The following MYLK variants were observed in gnomAD, a reference collection of about 807,000 sequenced individuals.
MYLK encodes myosin light chain kinase.
MYLK carries 106 observed loss-of-function variants against 203.4 expected under a neutral mutation model. The ratio of observed to expected loss-of-function variants is 0.52; its 90% confidence interval spans 0.45 to 0.61. The LOEUF (loss-of-function observed/expected upper bound fraction) is 0.61. Ranked by LOEUF, MYLK falls within the 20% of genes least tolerant of loss-of-function variation. MYLK has a pLI of 0.00. For synonymous variants in MYLK, 867 were observed against 959.5 expected, an observed-to-expected ratio of 0.90 and a Z score of 1.78; for missense variants, 2,072 against 2,442.3, an observed-to-expected ratio of 0.85 and a Z score of 3.20.
chr3:123,731,638 C>G (rs1386391699), intron 11 of MYLK, among the ~76,000 whole-genome samples: 1 of 152,148 alleles, frequency 6.6e-6, no homozygotes, highest in African/African-American at 2.4e-5. Flanking sequence ...GTACCCATCT[C>G]TCAACTTTCA....
rs1218239259 is a variant in MYLK, at chr3:123,861,140, C to A, written c.-127+15419G>T. Among the ~76,000 whole-genome samples, 749 of 134,148 alleles carry A rather than the reference C, an allele frequency of 5.6e-3. 8 individuals carry two copies. The highest frequency in any genetic ancestry group is 0.016 in the African/African-American group (622 of 38,292). The allele number at this position is 134,148 out of a possible 152,430, so 88.0% of individuals were successfully genotyped here. On this transcript the variant is annotated intron_variant, in intron 2 of 33. Transcript: ENST00000360304. ...GCGAGACCCTGTCTCAAAAAAAAAA[C>A]AAAAAACAAAAAAAAAAAACTGATT... is the stretch of plus-strand genomic sequence containing the variant.
chr3:123,733,885 T>C lies in MYLK; in HGVS notation c.1111A>G (p.Arg371Gly). The C allele has an allele frequency of 6.2e-7, 1 of 1,614,080 alleles. No homozygotes were observed. Among genetic ancestry groups the C allele is most frequent in the African/African-American group, 1.3e-5 (1 of 75,044 alleles). The change falls in exon 10 of 34, where the codon AGG becomes GGG. Residue 371 changes from arginine to glycine, a missense_variant. Physicochemically the swap from Arg to Gly is moderately radical, Grantham distance 125. Transcript: ENST00000360304. ...LGVLSPSGEE[R>G]KRPAPPRPAT... ...GGACGGGGAGGAGCTGGCCTCTTCCTCTCTTCTCCAGAAGGTGATAGGACC... is the reference window on the plus strand; with the variant it reads ...GGACGGGGAGGAGCTGGCCTCTTCCCCTCTTCTCCAGAAGGTGATAGGACC...
chr3:123,708,961 C>T lies in MYLK; in HGVS notation c.1943-66G>A, dbSNP rs186358216. ...CCTCCCCGGCCATGCAGCAACTCTG[C>T]GCTGAATGCAGTGATATTGGATGAA... On this transcript the variant is annotated intron_variant, in intron 14 of 33. Transcript: ENST00000360304. 4.9e-4 allele frequency: 673 copies of T among 1,383,278 alleles called. 2 individuals are homozygous for T. In the African/African-American group the frequency reaches 6.6e-3, roughly 13 times the overall value. 85.7% of individuals were successfully genotyped at this position (1,383,278 alleles called of 1,614,324 possible). A position where few individuals can be genotyped will look rare whatever the true frequency, so the allele number is the denominator to read the frequency against.
chr3:123,807,121 G>T (rs2065395870), intron 3 of MYLK, among the ~76,000 whole-genome samples: 1 of 151,960 alleles, frequency 6.6e-6, no homozygotes, highest in South Asian at 2.1e-4. Context: ...CTTAGAAAGG[G>T]TTTATCAAGA....
In MYLK at chr3:123,734,148, G is replaced by A. The variant is rs150096018; in HGVS notation, c.848C>T (p.Ser283Leu). ...TGCAGCCTCCAGACTGTCCAGCTTC[G>A]ACTCCTTTGAGATTACATTGGTCAC... The part of the protein sequence containing the change: ...KEVTNVISKE[S>L]KLDSLEAAAK... The change falls in exon 10 of 34, where the codon TCG (serine) becomes TTG (leucine). Residue 283 changes from serine (S) to leucine (L), a missense_variant. Ser to Leu is a moderately radical substitution (Grantham distance 145). Transcript: ENST00000360304. 43 of 1,567,670 alleles carry A rather than the reference G, an allele frequency of 2.7e-5. No homozygotes were observed. The highest frequency in any genetic ancestry group is 3.4e-4 in the Middle Eastern group (2 of 5,872).
chr3:123,689,130 CTGTGGTCACAA>C (rs2060568872), intron 19 of MYLK, among the ~76,000 whole-genome samples: 1 of 152,208 alleles, frequency 6.6e-6, no homozygotes, highest in Non-Finnish European at 1.5e-5. Flanking sequence ...GCATGACCCT[CTGTGGTCACAA>C]AGCCCTGGTC....
At chr3:123,812,122 C>T (rs548330686) in intron 3 of MYLK, among the ~76,000 whole-genome samples, 69 of 152,234 alleles carry the variant, frequency 4.5e-4, no homozygotes, top group Non-Finnish European at 3.7e-4. Flanking sequence ...AGATTCAGGA[C>T]GCCTACACTG....
At chr3:123,802,942 C>G (rs1008221052) in intron 3 of MYLK, among the ~76,000 whole-genome samples, 3 of 152,138 alleles carry the variant, frequency 2.0e-5, no homozygotes, top group Admixed American at 6.5e-5. Flanking sequence ...GTCTCCTTCT[C>G]AAATACCATG....
At chr3:123,849,296 A>G (rs535275359) in intron 2 of MYLK, among the ~76,000 whole-genome samples, 7 of 152,274 alleles carry the variant, frequency 4.6e-5, no homozygotes, top group Admixed American at 4.6e-4. Flanking sequence ...TCATATGTTA[A>G]ATGTTTCATA....
At chr3:123,662,927 A>C (rs114441229) in intron 23 of MYLK, among the ~76,000 whole-genome samples, 1 of 152,122 alleles carries the variant, frequency 6.6e-6, no homozygotes, top group East Asian at 1.9e-4. Flanking sequence ...CCCTTTTTCT[A>C]ATTTTCACAA....
In MYLK at chr3:123,800,907, T is replaced by C. The variant is rs528615826; in HGVS notation, c.-3-7063A>G. Among the ~76,000 whole-genome samples the C allele has an allele frequency of 3.9e-5, 6 of 152,352 alleles. No homozygotes were observed. In the East Asian group the frequency reaches 7.7e-4, roughly 20 times the overall value. On this transcript the variant is annotated intron_variant, in intron 3 of 33. Transcript: ENST00000360304. ...ATTATTGAGGGCCCCCAGAGAGCTT[T>C]TGTTTGTGAGTTACTGCTGTCAATA...
chr3:123,651,692 C>T (rs377430109), intron 24 of MYLK, among the ~76,000 whole-genome samples: 12 of 152,312 alleles, frequency 7.9e-5, no homozygotes, highest in Middle Eastern at 3.4e-3. Flanking sequence ...GCTTTCCCTG[C>T]GTGCCTTGAA....
chr3:123,840,756 G>A (rs1035639593), intron 2 of MYLK, among the ~76,000 whole-genome samples: 2 of 151,900 alleles, frequency 1.3e-5, no homozygotes, highest in Non-Finnish European at 2.9e-5. Context: ...TTCAACAACT[G>A]AAAATCAGTG....
intron 8 of MYLK, chr3:123,735,765 A>G (rs2062653495): frequency 3.9e-6 from 1 of 257,254 alleles, no homozygotes. Context: ...TGTACAGAAA[A>G]GCATACTTTT....
chr3:123,666,083 G>C (rs1164646764), intron 22 of MYLK, 136 bp downstream of exon 22: 3 of 1,346,300 alleles, frequency 2.2e-6, no homozygotes, highest in Non-Finnish European at 3.2e-6. Context: ...GCGATGGGTA[G>C]GGGAGTGGCC....
At chr3:123,805,122 T>G (rs2065324659) in intron 3 of MYLK, among the ~76,000 whole-genome samples, 1 of 152,176 alleles carries the variant, frequency 6.6e-6, no homozygotes, top group Non-Finnish European at 1.5e-5. Flanking sequence ...CATGGTTGAC[T>G]CGAGCTTCCA....
chr3:123,808,560 C>T (rs1332660468), intron 3 of MYLK, among the ~76,000 whole-genome samples: 1 of 152,186 alleles, frequency 6.6e-6, no homozygotes, highest in Non-Finnish European at 1.5e-5. Flanking sequence ...TTTCTGCAAG[C>T]TGCTACAGGC....
chr3:123,624,890 C>T (rs917562696), intron 31 of MYLK: 3 of 152,240 alleles, frequency 2.0e-5, no homozygotes, highest in Admixed American at 6.5e-5. Flanking sequence ...TTTGCTCCCT[C>T]TTTCAACCTC....
chr3:123,814,780 G>T (rs145592822), intron 3 of MYLK, among the ~76,000 whole-genome samples: 1 of 151,878 alleles, frequency 6.6e-6, no homozygotes. Context: ...GACATAAACT[G>T]ATCCTTTCTT....
Sources: allele counts gnomAD v4.1 joint callset (sites outside exome capture counted in the v4.1 genomes callset), GRCh38; gene constraint gnomAD v4.1.1; transcripts MANE v1.5; gene names NCBI Gene and HGNC (gene_info 2026-07-23, HGNC 2026-07-21).